GPR158: variants seen among roughly 807,000 people sequenced by gnomAD.
GPR158 encodes G protein-coupled receptor 158.
GPR158 carries 30 observed loss-of-function variants against 78.2 expected under a neutral mutation model. The ratio of observed to expected loss-of-function variants is 0.38; its 90% CI spans 0.29 to 0.52. GPR158 has a LOEUF of 0.52. GPR158 is among the 20% of genes least tolerant of loss of function. The pLI is 0.83. For synonymous variants in GPR158, 581 were observed against 591.1 expected (o/e 0.98, Z 0.25); for missense variants, 1,463 against 1,523.5 (o/e 0.96, Z 0.66).
intron 2 of GPR158, among the ~76,000 whole-genome samples, chr10:25,250,621 C>T (rs1454548334): frequency 2.7e-5 from 4 of 149,716 alleles, no homozygotes; most frequent in South Asian, 2.2e-4. Context: ...AGTTGAGCGG[C>T]TTTGAGTGAG....
intron 1 of GPR158, among the ~76,000 whole-genome samples, chr10:25,192,770 A>T (rs1415880185): frequency 6.6e-6 from 1 of 152,076 alleles, no homozygotes; most frequent in African/African-American, 2.4e-5. Context: ...ATAATAAAAA[A>T]AAGGTAGAAA....
intron 2 of GPR158, among the ~76,000 whole-genome samples, chr10:25,256,180 A>T (rs538106478): frequency 6.6e-6 from 1 of 152,198 alleles, no homozygotes; most frequent in African/African-American, 2.4e-5. Context: ...ACTGAAAAAA[A>T]AAAAACCTTT....
At chr10:25,448,409 G>A (rs1178315454) in intron 4 of GPR158, among the ~76,000 whole-genome samples, 2 of 152,122 alleles carry the variant, frequency 1.3e-5, no homozygotes, top group Non-Finnish European at 2.9e-5. Context: ...TTCTTTAGTA[G>A]ATAGTTTTGA....
chr10:25,234,916 T>A (rs186607367), intron 2 of GPR158, among the ~76,000 whole-genome samples: 1 of 152,348 alleles, frequency 6.6e-6, no homozygotes. Context: ...ACCAAATGAG[T>A]ACCATATATA....
chr10:25,515,407 T>C (rs1161301808), intron 5 of GPR158, among the ~76,000 whole-genome samples: 1 of 151,204 alleles, frequency 6.6e-6, no homozygotes, highest in Non-Finnish European at 1.5e-5. Context: ...TTAGGGTACA[T>C]GTGCACATTG....
rs1476602248 is a variant in GPR158 at position 25,384,232 on chromosome 10, G to A, written c.1009-11679G>A. 2.6e-5 allele frequency among the ~76,000 whole-genome samples: 4 copies of A among 151,862 alleles called. No individual in the cohort carries two copies. The South Asian group carries it at 8.3e-4, about 32-fold the overall frequency. ...AGGATTAAAATAGCCTATAGTTTAG[G>A]ATAAAATTTTGAGCTGCCAGCTCAA... On this transcript the variant is annotated intron_variant, in intron 2 of 10. Transcript: ENST00000376351.
At chr10:25,190,906 T>C (rs779448839) in intron 1 of GPR158, among the ~76,000 whole-genome samples, 3 of 152,142 alleles carry the variant, frequency 2.0e-5, no homozygotes, top group Non-Finnish European at 4.4e-5. Flanking sequence ...CTATGTTCAT[T>C]ATGGAGAAAT....
intron 3 of GPR158, among the ~76,000 whole-genome samples, chr10:25,405,376 G>A (rs969713760): frequency 6.6e-6 from 1 of 150,864 alleles, no homozygotes; most frequent in South Asian, 2.1e-4. Flanking sequence ...TATATGTTAT[G>A]AAAAAGAAAT....
intron 4 of GPR158, among the ~76,000 whole-genome samples, chr10:25,428,401 A>G (rs916117191): frequency 1.2e-4 from 19 of 152,168 alleles, no homozygotes; most frequent in Admixed American, 1.0e-3. Flanking sequence ...TTAATTATAT[A>G]AAAAGATTAG....
At chr10:25,438,125 A>C (rs1037767322) in intron 4 of GPR158, among the ~76,000 whole-genome samples, 3 of 152,204 alleles carry the variant, frequency 2.0e-5, no homozygotes, top group Non-Finnish European at 2.9e-5. Context: ...GTTAAGACAA[A>C]ACTAAAAAAT....
At chr10:25,568,388 G>A (rs1383760419) in intron 6 of GPR158, among the ~76,000 whole-genome samples, 1 of 152,190 alleles carries the variant, frequency 6.6e-6, no homozygotes, top group Non-Finnish European at 1.5e-5. Context: ...CTGCAATAGA[G>A]ACTGAAAAGG....
At chr10:25,552,223 C>G (rs1380244324) in intron 6 of GPR158, among the ~76,000 whole-genome samples, 1 of 152,130 alleles carries the variant, frequency 6.6e-6, no homozygotes, top group Non-Finnish European at 1.5e-5. Flanking sequence ...CTTCTGTTTC[C>G]TACAAAAGGA....
intron 2 of GPR158, among the ~76,000 whole-genome samples, chr10:25,379,112 T>C (rs12763442): frequency 0.14 from 21,479 of 152,182 alleles, 1,840 homozygotes; most frequent in African/African-American, 0.24. Flanking sequence ...TTATATTGCA[T>C]TTAATTTCAA....
chr10:25,454,225 G>A (rs1408197496), intron 4 of GPR158, among the ~76,000 whole-genome samples: 1 of 28,946 alleles, frequency 3.5e-5, no homozygotes, highest in East Asian at 5.6e-3. Context: ...ATAGTTTGTT[G>A]TTGATGTATA....
chr10:25,405,081 G>A (rs955485713), intron 3 of GPR158, among the ~76,000 whole-genome samples: 9 of 152,026 alleles, frequency 5.9e-5, no homozygotes, highest in South Asian at 2.1e-4. Context: ...CATTGCAATC[G>A]CTATGAAAGA....
chr10:25,358,549 T>G (rs948170363), intron 2 of GPR158, among the ~76,000 whole-genome samples: 1 of 152,006 alleles, frequency 6.6e-6, no homozygotes. Context: ...AATGGGAGTT[T>G]CTCTGCACAA....
At chr10:25,244,910 T>C (rs1853669711) in intron 2 of GPR158, 1 of 152,030 alleles carries the variant, frequency 6.6e-6, no homozygotes, top group Non-Finnish European at 1.5e-5. Context: ...GGATTTCTGG[T>C]TTATTTAACC....
rs1482981485 is a variant in GPR158, at chr10:25,324,295, A to C, written c.1009-71616A>C. Among the ~76,000 whole-genome samples, 4 of 152,340 alleles carry C rather than the reference A, an allele frequency of 2.6e-5. No homozygotes were observed. In the South Asian group the frequency reaches 8.3e-4, roughly 32 times the overall value. On this transcript the variant is annotated intron_variant, in intron 2 of 10. Transcript: ENST00000376351. ...GATTTAAAATGAGAGACATGCAACT[A>C]TTCCTTTCACTTGAACACTTAGAGG...
intron 2 of GPR158, among the ~76,000 whole-genome samples, chr10:25,368,421 C>A (rs1833930982): frequency 6.6e-6 from 1 of 151,586 alleles, no homozygotes; most frequent in Non-Finnish European, 1.5e-5. Flanking sequence ...AAAAGTGGGC[C>A]AAAGACATGA....
Sources: gnomAD v4.1 joint callset for allele counts (sites outside exome capture counted in the v4.1 genomes callset) on GRCh38, gnomAD v4.1.1 for gene constraint, MANE v1.5 for transcripts, NCBI Gene and HGNC (gene_info 2026-07-23, HGNC 2026-07-21) for gene names.